The following LRCH3 variants were observed in gnomAD, a reference collection of about 807,000 sequenced individuals.
LRCH3 encodes leucine rich repeats and calponin homology domain containing 3.
Under a neutral mutation model 104.5 loss-of-function variants are expected in LRCH3, and 68 were observed. The observed-to-expected ratio is 0.65, with a 90% CI of 0.54 to 0.80. The LOEUF is 0.80. Among genes scored for constraint, LRCH3 ranks in the 30% least tolerant of loss-of-function variants. The probability of loss-of-function intolerance (pLI) is 0.00; values close to 1 mark genes in which losing one functional copy is unlikely to be tolerated. For synonymous variants in LRCH3, 344 were observed against 361.3 expected, an observed-to-expected ratio of 0.95 and a Z score of 0.54; for missense variants, 951 against 953.9, an observed-to-expected ratio of 1.00 and a Z score of 0.04.
intron 7 of LRCH3, 68 bp downstream of exon 7, chr3:197,830,931 A>G: frequency 3.0e-6 from 4 of 1,341,024 alleles, no homozygotes; most frequent in Non-Finnish European, 4.3e-6. Context: ...TGAAAATGAA[A>G]AGCGTCTTAA....
At chr3:197,826,832 T>C in intron 4 of LRCH3, 46 bp from the exon 5 acceptor site, 1 of 1,610,908 alleles carries the variant, frequency 6.2e-7, no homozygotes, top group Non-Finnish European at 8.5e-7. Flanking sequence ...AATTCTCTAG[T>C]TGTAAAACAT....
At chr3:197,798,453 T>G (rs904435242) in intron 1 of LRCH3, among the ~76,000 whole-genome samples, 3 of 152,118 alleles carry the variant, frequency 2.0e-5, no homozygotes, top group Non-Finnish European at 4.4e-5. Context: ...AGCCTACAGG[T>G]GAGAGCAGGA....
intron 19 of LRCH3, among the ~76,000 whole-genome samples, chr3:197,872,511 C>G (rs1712331768): frequency 6.6e-6 from 1 of 150,402 alleles, no homozygotes; most frequent in Non-Finnish European, 1.5e-5. Context: ...CATGAGGATC[C>G]TATGAGCCCA....
chr3:197,820,391 C>T lies in LRCH3; in HGVS notation c.601C>T (p.Leu201Phe), dbSNP rs185184892. 3 of 1,611,852 alleles carry T rather than the reference C, an allele frequency of 1.9e-6. No individual in the cohort carries two copies. The African/African-American group carries it at 4.0e-5, about 22-fold the overall frequency. ...QIGNLEALRD[L>F]NVRRNHLVHL... ...TGGTAACCTGGAGGCCTTGAGAGAC[C>T]TTAATGTAAGAAGAAATCACCTAGT... Residue 201 changes from leucine to phenylalanine, a missense_variant, in exon 4 of 21, where the codon CTT (leucine) becomes TTT (phenylalanine). By Grantham distance (22) the Leu-to-Phe change is conservative. Coordinates refer to ENST00000425562, the MANE Select transcript of LRCH3 (RefSeq NM_001365715.1).
In LRCH3 at chr3:197,886,426, A is replaced by G. The variant is rs2109596670; in HGVS notation, c.*2760A>G. On this transcript the variant is annotated 3_prime_UTR_variant, in exon 21 of 21. Coordinates refer to ENST00000425562, the MANE Select transcript of LRCH3 (RefSeq NM_001365715.1). Reference sequence around the variant, plus strand: ...AAATGTCTTTATGTAAGACCCCATTATATTTACAGTTCCCAACAGACCCAC... The same window carrying G: ...AAATGTCTTTATGTAAGACCCCATTGTATTTACAGTTCCCAACAGACCCAC... The G allele has an allele frequency of 6.6e-6, 1 of 152,304 alleles. No homozygotes were observed. The highest frequency in any genetic ancestry group is 1.5e-5 in the Non-Finnish European group (1 of 68,030). The allele number at this position is 152,304 out of a possible 1,614,324, so 9.4% of individuals were successfully genotyped here.
In LRCH3 at chr3:197,835,688, G is replaced by C; in HGVS notation, c.1117G>C (p.Asp373His). ...VTNGGVEHDL[D>H]QIDYIDSCTA... ...GGTGTATACAGTGGAACATGATCTG[G>C]ATCAGATTGACTACATAGACAGCTG... The change falls in exon 9 of 21, where the codon GAT becomes CAT. Residue 373 changes from aspartate to histidine, a missense_variant. Physicochemically the swap from Asp to His is moderately conservative, Grantham distance 81. Transcript: ENST00000425562. 1 of 1,613,298 alleles carries C rather than the reference G, an allele frequency of 6.2e-7. No individual in the cohort carries two copies. Among genetic ancestry groups the C allele is most frequent in the Non-Finnish European group, 8.5e-7 (1 of 1,179,716 alleles).
intron 19 of LRCH3, among the ~76,000 whole-genome samples, chr3:197,872,832 G>A (rs942704284): frequency 6.6e-6 from 1 of 151,756 alleles, no homozygotes; most frequent in African/African-American, 2.4e-5. Flanking sequence ...TCCAGCCTGG[G>A]CAAGACAGAG....
intron 8 of LRCH3, among the ~76,000 whole-genome samples, chr3:197,832,685 CTT>C (rs77343938): frequency 6.9e-5 from 9 of 129,778 alleles, no homozygotes; most frequent in South Asian, 4.8e-4. Context: ...GAATTTAGTC[CTT>C]TTTTTTTTTT....
chr3:197,850,607 A>G, intron 12 of LRCH3: 2 of 1,583,940 alleles, frequency 1.3e-6, no homozygotes, highest in Admixed American at 1.7e-5. Flanking sequence ...TCACTTGGAT[A>G]TGCTCAATGA....
At chr3:197,852,739 C>A in intron 13 of LRCH3, 119 bp downstream of exon 13, 1 of 1,007,282 alleles carries the variant, frequency 9.9e-7, no homozygotes. Flanking sequence ...CTTTTTCCAC[C>A]TCACAATATT....
At chr3:197,874,232 A>G (rs546136698) in intron 19 of LRCH3, among the ~76,000 whole-genome samples, 12 of 152,248 alleles carry the variant, frequency 7.9e-5, no homozygotes, top group African/African-American at 2.9e-4. Context: ...GCCAGTGAGC[A>G]AAGCTTCATC....
chr3:197,867,473 T>C (rs1388736426), intron 17 of LRCH3, among the ~76,000 whole-genome samples: 2 of 151,928 alleles, frequency 1.3e-5, no homozygotes, highest in African/African-American at 4.8e-5. Flanking sequence ...TCCTCGCACT[T>C]TGGGAGGCCG....
At chr3:197,851,403 A>G (rs1739575776) in intron 12 of LRCH3, among the ~76,000 whole-genome samples, 1 of 152,254 alleles carries the variant, frequency 6.6e-6, no homozygotes, top group South Asian at 2.1e-4. Context: ...AGAACTGGTT[A>G]GGAAGAAAGA....
At chr3:197,857,541 G>A (rs1184315935) in intron 14 of LRCH3, among the ~76,000 whole-genome samples, 4 of 146,608 alleles carry the variant, frequency 2.7e-5, no homozygotes, top group African/African-American at 1.0e-4. Flanking sequence ...GCTCCTGCTA[G>A]TATCAGTTAC....
In LRCH3 at chr3:197,839,373, T is replaced by C. The variant is rs772637588; in HGVS notation, c.1304T>C (p.Met435Thr). ...AIREFQKTED[M>T]RRYLHQNRVP... ...AGGGAGTTTCAAAAAACAGAAGATA[T>C]GAGAAGATATTTACATCAAAACAGG... Residue 435 changes from methionine to threonine, a missense_variant, in exon 10 of 21, where the codon ATG (methionine) becomes ACG (threonine). By Grantham distance (81) the Met-to-Thr change is moderately conservative. Transcript: ENST00000425562. 1.3e-6 allele frequency: 2 copies of C among 1,595,514 alleles called. No homozygotes were observed. The highest frequency in any genetic ancestry group is 1.7e-6 in the Non-Finnish European group (2 of 1,173,626).
At chr3:197,869,400 C>A (rs111515704) in intron 17 of LRCH3, among the ~76,000 whole-genome samples, 1 of 148,246 alleles carries the variant, frequency 6.7e-6, no homozygotes, top group African/African-American at 2.6e-5. Context: ...AAGTAGAAAG[C>A]GGTGCACTGT....
At chr3:197,851,762 A>G (rs1356969067) in intron 12 of LRCH3, among the ~76,000 whole-genome samples, 2 of 152,192 alleles carry the variant, frequency 1.3e-5, no homozygotes, top group South Asian at 2.1e-4. Context: ...TGAATTACCT[A>G]TAAGAGAGAT....
At chr3:197,825,098 T>C (rs747216250) in intron 4 of LRCH3, among the ~76,000 whole-genome samples, 1 of 152,238 alleles carries the variant, frequency 6.6e-6, no homozygotes, top group Non-Finnish European at 1.5e-5. Context: ...TTTCAAGACT[T>C]TTAAGTGTTT....
At chr3:197,860,420 T>C (rs961592377) in intron 15 of LRCH3, among the ~76,000 whole-genome samples, 5 of 152,144 alleles carry the variant, frequency 3.3e-5, no homozygotes, top group African/African-American at 9.7e-5. Context: ...AATTGTTGCA[T>C]TGAGCCAGGT....
Sources: allele counts gnomAD v4.1 joint callset (sites outside exome capture counted in the v4.1 genomes callset), GRCh38; gene constraint gnomAD v4.1.1; transcripts MANE v1.5; gene names NCBI Gene and HGNC (gene_info 2026-07-23, HGNC 2026-07-21).